Variants in B3GALT1 observed in about 807,000 individuals in gnomAD.
B3GALT1 encodes beta-1,3-galactosyltransferase 1, also known as UDP-Gal:betaGlcNAc beta 1,3-galactosyltransferase, polypeptide 1.
B3GALT1 carries 10 observed loss-of-function variants against 23.2 expected under a neutral mutation model. The ratio of observed to expected loss-of-function variants is 0.43; its 90% CI spans 0.27 to 0.73. The LOEUF is 0.73. Among genes scored for constraint, B3GALT1 ranks in the 30% least tolerant of loss-of-function variants. The pLI is 0.21. For synonymous variants in B3GALT1, 156 were observed against 141.5 expected, an observed-to-expected ratio of 1.10 and a Z score of -0.73; for missense variants, 299 against 405.4, an observed-to-expected ratio of 0.74 and a Z score of 2.25.
chr2:167,452,747 T>C (rs1699108851), intron 1 of B3GALT1, among the ~76,000 whole-genome samples: 1 of 152,168 alleles, frequency 6.6e-6, no homozygotes, highest in Non-Finnish European at 1.5e-5. Context: ...AATCTTAATT[T>C]TGCCAAATCA....
intron 1 of B3GALT1, among the ~76,000 whole-genome samples, chr2:167,446,422 T>C (rs546800375): frequency 6.6e-6 from 1 of 152,332 alleles, no homozygotes; most frequent in East Asian, 1.9e-4. Flanking sequence ...CCTTGCTAAG[T>C]TGGGGAAGTT....
intron 3 of B3GALT1, chr2:167,814,789 A>C (rs1259630855): frequency 6.6e-6 from 1 of 152,240 alleles, no homozygotes; most frequent in Non-Finnish European, 1.5e-5. Flanking sequence ...CGAAGAATTT[A>C]TTGCATGAAT....
chr2:167,360,621 C>G (rs1289880652), intron 1 of B3GALT1, among the ~76,000 whole-genome samples: 1 of 152,002 alleles, frequency 6.6e-6, no homozygotes, highest in African/African-American at 2.4e-5. Flanking sequence ...TATAATAGTT[C>G]TACATATTTT....
At chr2:167,652,944 A>G (rs1475299119) in intron 3 of B3GALT1, among the ~76,000 whole-genome samples, 1 of 152,210 alleles carries the variant, frequency 6.6e-6, no homozygotes, top group Non-Finnish European at 1.5e-5. Context: ...ATGTGTACCT[A>G]TGTACACATG....
At chr2:167,690,198 T>G (rs762223987) in intron 3 of B3GALT1, among the ~76,000 whole-genome samples, 28 of 151,880 alleles carry the variant, frequency 1.8e-4, no homozygotes, top group Non-Finnish European at 3.4e-4. Flanking sequence ...TGTTGAAAAT[T>G]TATGATTTAA....
At chr2:167,456,361 C>A (rs1285752086) in intron 1 of B3GALT1, among the ~76,000 whole-genome samples, 1 of 152,176 alleles carries the variant, frequency 6.6e-6, no homozygotes, top group Non-Finnish European at 1.5e-5. Flanking sequence ...ATGATCAACA[C>A]CTCCCACCAG....
At chr2:167,563,283 C>A (rs1684056140) in intron 2 of B3GALT1, among the ~76,000 whole-genome samples, 1 of 145,296 alleles carries the variant, frequency 6.9e-6, no homozygotes, top group Non-Finnish European at 1.5e-5. Context: ...AGAGGGGCTC[C>A]TCACTTCCCA....
chr2:167,845,002 T>C (rs1043776137), intron 4 of B3GALT1, among the ~76,000 whole-genome samples: 1 of 152,050 alleles, frequency 6.6e-6, no homozygotes, highest in Non-Finnish European at 1.5e-5. Context: ...CCTGCATGAC[T>C]CAGCAGAGAC....
chr2:167,408,549 A>G (rs1209335512), intron 1 of B3GALT1, among the ~76,000 whole-genome samples: 2 of 152,182 alleles, frequency 1.3e-5, no homozygotes, highest in African/African-American at 4.8e-5. Context: ...AATGAAGGAT[A>G]TCCAAATTGG....
At chr2:167,535,887 G>T (rs1026923255) in intron 2 of B3GALT1, among the ~76,000 whole-genome samples, 1 of 152,040 alleles carries the variant, frequency 6.6e-6, no homozygotes, top group Non-Finnish European at 1.5e-5. Flanking sequence ...CAACAAAATT[G>T]GTTGTCTAGT....
At chr2:167,447,135 C>A (rs1424246180) in intron 1 of B3GALT1, among the ~76,000 whole-genome samples, 2 of 152,124 alleles carry the variant, frequency 1.3e-5, no homozygotes, top group African/African-American at 4.8e-5. Context: ...CACTCCAGAC[C>A]CTGTTTGCCT....
intron 1 of B3GALT1, among the ~76,000 whole-genome samples, chr2:167,395,495 C>T (rs561708989): frequency 6.6e-6 from 1 of 152,238 alleles, no homozygotes; most frequent in East Asian, 1.9e-4. Context: ...GGCAAGGAAA[C>T]TGAACCCTCC....
chr2:167,325,469 A>C (rs1315348865), intron 1 of B3GALT1, among the ~76,000 whole-genome samples: 2 of 151,674 alleles, frequency 1.3e-5, no homozygotes, highest in African/African-American at 4.8e-5. Flanking sequence ...TAAACCACCA[A>C]ATTTCACAAT....
At chr2:167,568,234 A>G (rs187721865) in intron 2 of B3GALT1, among the ~76,000 whole-genome samples, 5 of 152,216 alleles carry the variant, frequency 3.3e-5, no homozygotes, top group Admixed American at 6.5e-5. Flanking sequence ...GTAATTACCA[A>G]TGAGCATAAT....
chr2:167,544,009 C>T (rs1472212777), intron 2 of B3GALT1, among the ~76,000 whole-genome samples: 2 of 152,200 alleles, frequency 1.3e-5, no homozygotes, highest in African/African-American at 2.4e-5. Flanking sequence ...ACAGTCTGCC[C>T]TCCAAGCATT....
At chr2:167,418,983 T>G (rs949969667) in intron 1 of B3GALT1, among the ~76,000 whole-genome samples, 2 of 152,242 alleles carry the variant, frequency 1.3e-5, no homozygotes, top group Non-Finnish European at 2.9e-5. Flanking sequence ...CCCAGGCTGC[T>G]TCCATTAGAG....
At chr2:167,693,644 A>C in intron 3 of B3GALT1, among the ~76,000 whole-genome samples, 1 of 152,146 alleles carries the variant, frequency 6.6e-6, no homozygotes, top group East Asian at 1.9e-4. Context: ...AAGTTCAGAT[A>C]TTTCACTTTG....
At chr2:167,709,599 T>C (rs964966915) in intron 3 of B3GALT1, among the ~76,000 whole-genome samples, 3 of 152,146 alleles carry the variant, frequency 2.0e-5, no homozygotes, top group African/African-American at 7.2e-5. Flanking sequence ...TTAGAAAGGC[T>C]ACAGCCTCAA....
chr2:167,391,846 A>C (rs1698018109), intron 1 of B3GALT1, among the ~76,000 whole-genome samples: 1 of 152,210 alleles, frequency 6.6e-6, no homozygotes, highest in South Asian at 2.1e-4. Context: ...ACCTAAAGCC[A>C]AGCCTAGGAC....
Sources: gnomAD v4.1 joint callset for allele counts (sites outside exome capture counted in the v4.1 genomes callset) on GRCh38, gnomAD v4.1.1 for gene constraint, MANE v1.5 for transcripts, NCBI Gene and HGNC (gene_info 2026-07-23, HGNC 2026-07-21) for gene names.